Variants in KCNQ3 observed in about 807,000 individuals in gnomAD.
The protein encoded by KCNQ3 is potassium voltage-gated channel subfamily Q member 3.
KCNQ3 carries 30 observed loss-of-function variants against 92.5 expected under a neutral mutation model. That is an observed-to-expected ratio of 0.32 (90% CI 0.24 to 0.44). The LOEUF (loss-of-function observed/expected upper bound fraction) is 0.44, where lower values mean the gene tolerates loss of function less well. Ranked by LOEUF, KCNQ3 falls within the 20% of genes least tolerant of loss-of-function variation. The pLI is 1.00. For synonymous variants in KCNQ3, 450 were observed against 468.8 expected (o/e 0.96, Z 0.52); for missense variants, 913 against 1,140.3 (o/e 0.80, Z 2.87).
At chr8:132,416,856 A>C (rs1357908942) in intron 1 of KCNQ3, among the ~76,000 whole-genome samples, 2 of 152,156 alleles carry the variant, frequency 1.3e-5, no homozygotes, top group Non-Finnish European at 2.9e-5. Context: ...GGCTTTGTGA[A>C]GGGTGTCCCT....
intron 1 of KCNQ3, among the ~76,000 whole-genome samples, chr8:132,329,124 A>T (rs1351564282): frequency 6.6e-6 from 1 of 152,228 alleles, no homozygotes; most frequent in East Asian, 1.9e-4. Flanking sequence ...AAGGCAGACA[A>T]TACACAAATA....
chr8:132,309,950 T>C (rs975781522), intron 1 of KCNQ3, among the ~76,000 whole-genome samples: 4 of 152,182 alleles, frequency 2.6e-5, no homozygotes, highest in African/African-American at 9.7e-5. Context: ...TATTAATTAC[T>C]TTAGGTATTG....
At chr8:132,156,388 G>A (rs771461993) in intron 9 of KCNQ3, among the ~76,000 whole-genome samples, 1 of 152,058 alleles carries the variant, frequency 6.6e-6, no homozygotes, top group Non-Finnish European at 1.5e-5. Context: ...AAGTCTAGTA[G>A]TCTGACTCTG....
intron 9 of KCNQ3, among the ~76,000 whole-genome samples, chr8:132,148,203 G>A (rs889520313): frequency 1.3e-5 from 2 of 152,098 alleles, no homozygotes; most frequent in African/African-American, 2.4e-5. Context: ...GGAACTTGAC[G>A]GGCCTTCCTT....
At position 132,480,592 on chromosome 8, in the gene KCNQ3, C is replaced by T. The variant is rs1822536912; in HGVS notation, c.-60G>A. 1.6e-6 allele frequency: 2 copies of T among 1,235,688 alleles called. No homozygotes were observed. Among genetic ancestry groups the T allele is most frequent in the African/African-American group, 1.6e-5 (1 of 62,940 alleles). The allele number at this position is 1,235,688 out of a possible 1,614,324, so 76.5% of individuals were successfully genotyped here. A position where few individuals can be genotyped will look rare whatever the true frequency, so the allele number is the denominator to read the frequency against. On this transcript the variant is annotated 5_prime_UTR_variant, in exon 1 of 15. Transcript: ENST00000388996. Reference sequence around the variant, plus strand: ...GCTGCTGCTCTGGGAAGAAGGGGCGCTCGGGGTGCGTGAACGAGGCGGCGG... The same window carrying T: ...GCTGCTGCTCTGGGAAGAAGGGGCGTTCGGGGTGCGTGAACGAGGCGGCGG...
intron 1 of KCNQ3, among the ~76,000 whole-genome samples, chr8:132,350,676 GACAA>G (rs1818833609): frequency 6.6e-6 from 1 of 152,112 alleles, no homozygotes; most frequent in African/African-American, 2.4e-5. Context: ...TTCCCTTCCT[GACAA>G]ACAGTCTAGG....
intron 1 of KCNQ3, among the ~76,000 whole-genome samples, chr8:132,347,269 C>T (rs770078075): frequency 1.3e-5 from 2 of 152,208 alleles, no homozygotes; most frequent in Non-Finnish European, 2.9e-5. Flanking sequence ...TCTCTTTACT[C>T]ATCAAGTATT....
At chr8:132,211,519 G>T (rs1027879259) in intron 1 of KCNQ3, among the ~76,000 whole-genome samples, 1 of 152,134 alleles carries the variant, frequency 6.6e-6, no homozygotes, top group Non-Finnish European at 1.5e-5. Flanking sequence ...ATCTATAAAT[G>T]TGTCACTTTT....
At chr8:132,377,127 G>A (rs1350863975) in intron 1 of KCNQ3, among the ~76,000 whole-genome samples, 1 of 152,188 alleles carries the variant, frequency 6.6e-6, no homozygotes, top group African/African-American at 2.4e-5. Context: ...TGAATCAGTA[G>A]ACTTCCCTCA....
intron 1 of KCNQ3, among the ~76,000 whole-genome samples, chr8:132,323,607 G>T (rs1373335183): frequency 6.6e-6 from 1 of 152,100 alleles, no homozygotes; most frequent in African/African-American, 2.4e-5. Flanking sequence ...CCACGATTGG[G>T]CTTATTGCTC....
At chr8:132,240,721 C>T (rs1814966919) in intron 1 of KCNQ3, among the ~76,000 whole-genome samples, 1 of 152,170 alleles carries the variant, frequency 6.6e-6, no homozygotes, top group Admixed American at 6.5e-5. Context: ...ATCCCAAGCA[C>T]CTAACTTTGT....
intron 1 of KCNQ3, among the ~76,000 whole-genome samples, chr8:132,452,470 T>A (rs560189602): frequency 1.1e-4 from 17 of 152,328 alleles, no homozygotes; most frequent in Middle Eastern, 3.4e-3. Context: ...TGCTGCTTTA[T>A]CACCTCCACT....
At chr8:132,383,569 T>C (rs1819811369) in intron 1 of KCNQ3, among the ~76,000 whole-genome samples, 1 of 152,098 alleles carries the variant, frequency 6.6e-6, no homozygotes, top group South Asian at 2.1e-4. Flanking sequence ...TTAACAGACC[T>C]AGGCTGAGCC....
chr8:132,219,932 T>C (rs1171087867), intron 1 of KCNQ3, among the ~76,000 whole-genome samples: 1 of 152,044 alleles, frequency 6.6e-6, no homozygotes, highest in Non-Finnish European at 1.5e-5. Flanking sequence ...AGAGAGGTCA[T>C]ACCTCATTCC....
chr8:132,286,120 G>C (rs1406015737), intron 1 of KCNQ3, among the ~76,000 whole-genome samples: 1 of 152,204 alleles, frequency 6.6e-6, no homozygotes, highest in Non-Finnish European at 1.5e-5. Flanking sequence ...GAGCCATAAA[G>C]AGCCTCCACC....
chr8:132,163,433 G>A (rs757952307), intron 9 of KCNQ3, 35 bp downstream of exon 9: 1 of 1,580,970 alleles, frequency 6.3e-7, no homozygotes, highest in Admixed American at 1.7e-5. Context: ...TTGACACAGA[G>A]ATGTGAAGAA....
chr8:132,352,454 T>C (rs1007380471), intron 1 of KCNQ3, among the ~76,000 whole-genome samples: 7 of 152,100 alleles, frequency 4.6e-5, no homozygotes, highest in Non-Finnish European at 8.8e-5. Context: ...ATGCTAATGC[T>C]GGAAAACTCT....
intron 1 of KCNQ3, among the ~76,000 whole-genome samples, chr8:132,240,535 C>G (rs904069259): frequency 6.6e-6 from 1 of 152,190 alleles, no homozygotes; most frequent in Non-Finnish European, 1.5e-5. Context: ...CCATGCTCAC[C>G]TCCCCTGTGT....
chr8:132,227,338 G>A (rs1204909376), intron 1 of KCNQ3, among the ~76,000 whole-genome samples: 1 of 152,068 alleles, frequency 6.6e-6, no homozygotes, highest in Non-Finnish European at 1.5e-5. Flanking sequence ...GAGATTACAG[G>A]CGTGAGCCAC....
Sources: gnomAD v4.1 joint callset for allele counts (sites outside exome capture counted in the v4.1 genomes callset) on GRCh38, gnomAD v4.1.1 for gene constraint, MANE v1.5 for transcripts, NCBI Gene and HGNC (gene_info 2026-07-23, HGNC 2026-07-21) for gene names.